Variants in CPLANE1 observed in about 807,000 individuals in gnomAD.
CPLANE1 encodes the protein ciliogenesis and planar polarity effector 1.
CPLANE1 carries 263 observed loss-of-function variants against 362.5 expected under a neutral mutation model. That is an observed-to-expected ratio of 0.73 (90% confidence interval 0.66 to 0.80). CPLANE1 has a LOEUF of 0.80. Ranked by LOEUF, CPLANE1 falls within the 30% of genes least tolerant of loss-of-function variation. CPLANE1 has a pLI of 0.00. For missense variants in CPLANE1, 3,461 were observed against 3,793.4 expected (o/e 0.91, Z 2.30); for synonymous variants, 1,212 against 1,302.6 (o/e 0.93, Z 1.50).
intron 8 of CPLANE1, 129 bp from the exon 9 acceptor site, chr5:37,231,178 A>G (rs1221841715): frequency 1.0e-5 from 5 of 491,836 alleles, no homozygotes; most frequent in Non-Finnish European, 1.7e-5. Context: ...CTAATAGTAG[A>G]CAATTGCCAT....
At position 37,193,634 on chromosome 5, in the gene CPLANE1, G is replaced by A. The variant is rs192074033; in HGVS notation, c.3811+2224C>T. Among the ~76,000 whole-genome samples, 342 of 152,238 alleles carry A rather than the reference G, an allele frequency of 2.2e-3. 1 individual carries two copies. The highest frequency in any genetic ancestry group is 3.1e-3 in the Non-Finnish European group (214 of 68,010). On this transcript the variant is annotated intron_variant, in intron 21 of 52. Transcript: ENST00000651892. ...TGTGCCACTGCACTCCAGCCTGAGT[G>A]ACAGAATAAGACTCCATCTCAAAAA...
chr5:37,140,911 G>A lies in CPLANE1; in HGVS notation c.8632+1399C>T, dbSNP rs552141611. On this transcript the variant is annotated intron_variant, in intron 44 of 52. Coordinates refer to ENST00000651892, the MANE Select transcript of CPLANE1 (RefSeq NM_001384732.1). ...GTTAGTGTTAGTGTATTTTATGTGT[G>A]GCCCAAGACAATTCTTCTTCCAATG... The A allele has an allele frequency of 2.9e-3, 2,823 of 978,996 alleles. 5 individuals carry two copies. The highest frequency in any genetic ancestry group is 3.3e-3 in the Non-Finnish European group (2,707 of 824,860). The allele number at this position is 978,996 out of a possible 1,614,324, so 60.6% of individuals were successfully genotyped here.
intron 16 of CPLANE1, chr5:37,211,168 G>A (rs1792487595): frequency 7.7e-7 from 1 of 1,293,182 alleles, no homozygotes; most frequent in Non-Finnish European, 1.1e-6. Context: ...GTTCTAGCAG[G>A]TACGGTTGCA....
chr5:37,083,542 T>A, the CPLANE1 span, among the ~76,000 whole-genome samples: 1 of 151,562 alleles, frequency 6.6e-6, no homozygotes, highest in Non-Finnish European at 1.5e-5. Flanking sequence ...ATACAAGAAG[T>A]GAAGGGAGAA....
intron 8 of CPLANE1, among the ~76,000 whole-genome samples, chr5:37,234,372 G>A (rs1395593117): frequency 1.4e-5 from 2 of 143,168 alleles, no homozygotes; most frequent in African/African-American, 5.1e-5. Context: ...ATTTACCAAG[G>A]AGAAAGATTA....
intron 51 of CPLANE1, among the ~76,000 whole-genome samples, chr5:37,109,141 C>G (rs1451449089): frequency 1.3e-5 from 2 of 152,072 alleles, no homozygotes; most frequent in African/African-American, 4.8e-5. Flanking sequence ...AAGAAACACC[C>G]AAGACATGGG....
chr5:37,156,491 G>C (rs1775144118), intron 41 of CPLANE1, among the ~76,000 whole-genome samples: 1 of 151,980 alleles, frequency 6.6e-6, no homozygotes, highest in Non-Finnish European at 1.5e-5. Context: ...TGTAATCCTA[G>C]CTACTTAGGA....
At chr5:37,222,643 A>G (rs1170261099) in intron 14 of CPLANE1, among the ~76,000 whole-genome samples, 1 of 152,238 alleles carries the variant, frequency 6.6e-6, no homozygotes, top group African/African-American at 2.4e-5. Flanking sequence ...AACTCATTAC[A>G]AAAACTTTTC....
intron 2 of CPLANE1, 149 bp from the exon 3 acceptor site, chr5:37,245,994 CT>C: frequency 1.3e-6 from 1 of 759,208 alleles, no homozygotes; most frequent in Non-Finnish European, 2.0e-6. Context: ...AAGCTTAATA[CT>C]CTATAGTAGC....
At chr5:37,077,519 A>T in the CPLANE1 span, among the ~76,000 whole-genome samples, 1 of 150,606 alleles carries the variant, frequency 6.6e-6, no homozygotes, top group African/African-American at 2.4e-5. Flanking sequence ...AAAATTTATT[A>T]TCCTTTCACT....
chr5:37,112,937 C>G (rs368087877), intron 51 of CPLANE1, among the ~76,000 whole-genome samples: 2 of 152,100 alleles, frequency 1.3e-5, no homozygotes, highest in African/African-American at 4.8e-5. Context: ...AAAAACAAAA[C>G]AATATAACGG....
At chr5:37,082,425 C>A in the CPLANE1 span, among the ~76,000 whole-genome samples, 2 of 152,034 alleles carry the variant, frequency 1.3e-5, no homozygotes, top group Non-Finnish European at 2.9e-5. Flanking sequence ...CTACCCGATC[C>A]CAAGATCCAT....
chr5:37,184,761 C>T (rs1783531605), intron 25 of CPLANE1, 27 bp downstream of exon 25: 4 of 1,575,182 alleles, frequency 2.5e-6, no homozygotes, highest in Non-Finnish European at 3.4e-6. Flanking sequence ...GAAGTGAATG[C>T]CAGTGATTAA....
At chr5:37,134,558 T>C (rs909718472) in intron 46 of CPLANE1, among the ~76,000 whole-genome samples, 4 of 152,228 alleles carry the variant, frequency 2.6e-5, no homozygotes, top group Admixed American at 1.3e-4. Flanking sequence ...GCTGGTGGTC[T>C]ATCAATCTAG....
At chr5:37,122,292 T>C in intron 48 of CPLANE1, 138 bp downstream of exon 48, 2 of 703,956 alleles carry the variant, frequency 2.8e-6, no homozygotes, top group East Asian at 2.8e-5. Flanking sequence ...ATCATTTTCC[T>C]TGCAGTGATA....
rs1171562830 is a variant in CPLANE1, at chr5:37,222,594, T to C, written c.2582-1106A>G. Reference sequence around the variant, plus strand: ...ATTACTAGAAGCCATTCCTAATGGATGTAGTTGTAAATGAAATTAAACAAA... The same window carrying C: ...ATTACTAGAAGCCATTCCTAATGGACGTAGTTGTAAATGAAATTAAACAAA... On this transcript the variant is annotated intron_variant, in intron 14 of 52. Transcript: ENST00000651892. 2.0e-5 allele frequency among the ~76,000 whole-genome samples: 3 copies of C among 152,230 alleles called. No homozygotes were observed. The East Asian group carries it at 5.8e-4, about 29-fold the overall frequency.
chr5:37,165,392 G>T, intron 36 of CPLANE1, 147 bp downstream of exon 36: 1 of 730,702 alleles, frequency 1.4e-6, no homozygotes, highest in Non-Finnish European at 2.3e-6. Flanking sequence ...GTGGAGGGAG[G>T]CAGCAGGGAC....
At chr5:37,102,525 C>T (rs301909), downstream of CPLANE1, among the ~76,000 whole-genome samples, 76,276 of 151,944 alleles carry the variant, frequency 0.5, 21,888 homozygotes, top group African/African-American at 0.81. Flanking sequence ...TGATTTGAGA[C>T]CTTTTTGTTG....
chr5:37,201,758 C>T lies in CPLANE1; in HGVS notation c.3340G>A (p.Val1114Ile). 2.5e-6 allele frequency: 4 copies of T among 1,614,040 alleles called. No homozygotes were observed. The highest frequency in any genetic ancestry group is 1.1e-5 in the South Asian group (1 of 91,076). ...ANLLFGSVQE[V>I]LKASVMADAD... ...TCGGCCATAACTGATGCTTTCAGTA[C>T]TTCTTGTACTGAACCAAATAGCAGA... The change falls in exon 19 of 53, where the codon GTA (valine) becomes ATA (isoleucine). Residue 1114 changes from valine (V) to isoleucine (I), a missense_variant. Val to Ile is a conservative substitution (Grantham distance 29). Transcript: ENST00000651892.
Sources: allele counts gnomAD v4.1 joint callset (sites outside exome capture counted in the v4.1 genomes callset), GRCh38; gene constraint gnomAD v4.1.1; transcripts MANE v1.5; gene names NCBI Gene and HGNC (gene_info 2026-07-23, HGNC 2026-07-21).